Variants in HTR7 observed in about 807,000 individuals in gnomAD.
The protein encoded by HTR7 is 5-HT-7.
HTR7 carries 16 observed loss-of-function variants against 34.0 expected under a neutral mutation model. The ratio of observed to expected loss-of-function variants is 0.47; its 90% confidence interval spans 0.32 to 0.71. The LOEUF is 0.71. Among genes scored for constraint, HTR7 ranks in the 30% least tolerant of loss-of-function variants. HTR7 has a pLI of 0.04. For missense variants in HTR7, 504 were observed against 625.5 expected, an observed-to-expected ratio of 0.81 and a Z score of 2.07; for synonymous variants, 265 against 260.2, an observed-to-expected ratio of 1.02 and a Z score of -0.18.
At chr10:90,805,765 T>C (rs571424399) in intron 1 of HTR7, among the ~76,000 whole-genome samples, 1 of 152,248 alleles carries the variant, frequency 6.6e-6, no homozygotes, top group East Asian at 1.9e-4. Context: ...GGCATGTGTA[T>C]GTGATGTTTC....
At chr10:90,761,398 T>TATATA (rs1203298682) in intron 1 of HTR7, among the ~76,000 whole-genome samples, 10 of 152,190 alleles carry the variant, frequency 6.6e-5, no homozygotes, top group South Asian at 2.1e-4. Context: ...TGTGAAATGA[T>TATATA]TACCACAGTA....
chr10:90,830,836 G>A (rs1350157849), intron 1 of HTR7, among the ~76,000 whole-genome samples: 8 of 148,396 alleles, frequency 5.4e-5, no homozygotes, highest in East Asian at 2.0e-4. Flanking sequence ...GCCCAGTTAC[G>A]ATGCTCCACA....
chr10:90,796,541 T>C (rs1845540647), intron 1 of HTR7, among the ~76,000 whole-genome samples: 1 of 152,146 alleles, frequency 6.6e-6, no homozygotes, highest in Admixed American at 6.5e-5. Context: ...CTGAGCAATA[T>C]AGCCAGACCC....
At chr10:90,803,146 T>C (rs1382453060) in intron 1 of HTR7, among the ~76,000 whole-genome samples, 1 of 151,942 alleles carries the variant, frequency 6.6e-6, no homozygotes, top group Admixed American at 6.6e-5. Context: ...CCAAAGCAAG[T>C]CTTAGAGTAA....
chr10:90,749,008 T>C lies in HTR7; in HGVS notation c.1126A>G (p.Asn376Asp). 1 of 1,614,002 alleles carries C rather than the reference T, an allele frequency of 6.2e-7. No individual in the cohort carries two copies. Among genetic ancestry groups the C allele is most frequent in the Non-Finnish European group, 8.5e-7 (1 of 1,180,004 alleles). The part of the protein sequence containing the change: ...ERTFLWLGYA[N>D]SLINPFIYAF... ...TATATAAAAGGGTTAATGAGAGAGT[T>C]TGCATAGCCTAGCCACAGAAATGTC... Residue 376 changes from asparagine (N) to aspartate (D), a missense_variant, in exon 2 of 4, where the codon AAC (asparagine) becomes GAC (aspartate). By Grantham distance (23) the Asn-to-Asp change is conservative. Coordinates refer to ENST00000336152, the MANE Select transcript of HTR7 (RefSeq NM_019859.4). This position sits in a 1 kb window ranked among gnomAD's most constrained non-coding sequence, Gnocchi z 4.2.
chr10:90,823,316 T>C (rs919916890), intron 1 of HTR7, among the ~76,000 whole-genome samples: 2 of 152,212 alleles, frequency 1.3e-5, no homozygotes, highest in Non-Finnish European at 2.9e-5. Flanking sequence ...CTTGTGTCAG[T>C]ATGGCCTACA....
At chr10:90,810,267 C>T (rs1317992188) in intron 1 of HTR7, among the ~76,000 whole-genome samples, 5 of 152,132 alleles carry the variant, frequency 3.3e-5, no homozygotes, top group Non-Finnish European at 7.4e-5. Context: ...TTTTCCCCCA[C>T]TTCAAAGCCT....
intron 1 of HTR7, among the ~76,000 whole-genome samples, chr10:90,768,363 T>C (rs1221059990): frequency 6.6e-6 from 1 of 152,230 alleles, no homozygotes; most frequent in Admixed American, 6.5e-5. Flanking sequence ...TCATCAAATA[T>C]GAAACATTTT....
In HTR7 at chr10:90,749,585, C is replaced by T. The variant is rs762643552; in HGVS notation, c.549G>A (p.Gly183=). 1.9e-6 allele frequency: 3 copies of T among 1,608,070 alleles called. No homozygotes were observed. Among genetic ancestry groups the T allele is most frequent in the African/African-American group, 2.7e-5 (2 of 74,790 alleles). ...LCVISIDRYL[G]ITRPLTYPVR... is the part of the protein sequence containing the mutation. Reference sequence around the variant, plus strand: ...CAGGGTATGTGAGGGGCCTTGTGATCCCAAGGTACCTAGTGGAGAGATGGA... The same window carrying T: ...CAGGGTATGTGAGGGGCCTTGTGATTCCAAGGTACCTAGTGGAGAGATGGA... The change falls in exon 2 of 4, where the codon GGG becomes GGA. Residue 183 remains glycine (G), a synonymous_variant. Coordinates refer to ENST00000336152, the MANE Select transcript of HTR7 (RefSeq NM_019859.4). The surrounding 1 kb of genome is among the most constrained non-coding windows in gnomAD (Gnocchi z 4.2).
rs561817614 is a variant in HTR7 at position 90,784,653 on chromosome 10, G to C, written c.540-35059C>G. 2.9e-3 allele frequency among the ~76,000 whole-genome samples: 448 copies of C among 152,246 alleles called. 11 individuals are homozygous for C. The Middle Eastern group carries it at 0.044, about 15-fold the overall frequency. On this transcript the variant is annotated intron_variant, in intron 1 of 3. Coordinates refer to ENST00000336152, the MANE Select transcript of HTR7 (RefSeq NM_019859.4). ...GCCAATATCAGTATAATGTCAGGAA[G>C]CCAAGAGGTTTGCTTAAGGAATGGG...
intron 1 of HTR7, among the ~76,000 whole-genome samples, chr10:90,833,366 T>G (rs912567314): frequency 6.6e-6 from 1 of 152,168 alleles, no homozygotes; most frequent in East Asian, 1.9e-4. Context: ...AGCTTAAGAG[T>G]TAAGGCACCA....
rs1185315905 is a variant in HTR7, at chr10:90,759,515, C to T, written c.540-9921G>A. 4.0e-5 allele frequency among the ~76,000 whole-genome samples: 6 copies of T among 150,368 alleles called. 1 individual carries two copies. Among genetic ancestry groups the T allele is most frequent in the South Asian group, 4.2e-4 (2 of 4,724 alleles). On this transcript the variant is annotated intron_variant, in intron 1 of 3. Coordinates refer to ENST00000336152, the MANE Select transcript of HTR7 (RefSeq NM_019859.4). Reference sequence around the variant, plus strand: ...CTAAAAATACAAAAAATTAGCCGGGCGCGGTGGCGGGCGCCTGTAGTCCCA... The same window carrying T: ...CTAAAAATACAAAAAATTAGCCGGGTGCGGTGGCGGGCGCCTGTAGTCCCA...
At chr10:90,816,156 A>G (rs1361494141) in intron 1 of HTR7, among the ~76,000 whole-genome samples, 1 of 152,232 alleles carries the variant, frequency 6.6e-6, no homozygotes, top group Admixed American at 6.5e-5. Context: ...TGGATTTTAC[A>G]TTACCCAATA....
intron 1 of HTR7, among the ~76,000 whole-genome samples, chr10:90,852,661 T>C (rs1045069555): frequency 1.6e-4 from 25 of 152,188 alleles, no homozygotes; most frequent in African/African-American, 6.0e-4. Flanking sequence ...ATACTACTTA[T>C]CAATAAAAAT....
At chr10:90,756,906 C>A (rs1279626413) in intron 1 of HTR7, among the ~76,000 whole-genome samples, 1 of 151,842 alleles carries the variant, frequency 6.6e-6, no homozygotes, top group Non-Finnish European at 1.5e-5. Context: ...GACAATTATA[C>A]AAAGTCATGA....
intron 1 of HTR7, among the ~76,000 whole-genome samples, chr10:90,785,910 T>C (rs1357961729): frequency 1.3e-5 from 2 of 152,220 alleles, no homozygotes; most frequent in Non-Finnish European, 2.9e-5. Flanking sequence ...GCCATGGTAC[T>C]GCCAGCTGAG....
At chr10:90,838,674 GTTTTCCTTTT>G (rs1455526044) in intron 1 of HTR7, among the ~76,000 whole-genome samples, 1 of 152,090 alleles carries the variant, frequency 6.6e-6, no homozygotes, top group African/African-American at 2.4e-5. Context: ...CTCCTTCCAG[GTTTTCCTTTT>G]GTCTCTCTCC....
At chr10:90,764,705 T>C (rs1358584043) in intron 1 of HTR7, among the ~76,000 whole-genome samples, 3 of 152,280 alleles carry the variant, frequency 2.0e-5, no homozygotes, top group Admixed American at 6.5e-5. Flanking sequence ...CAGCACTATG[T>C]TGAACAGAAG....
intron 1 of HTR7, among the ~76,000 whole-genome samples, chr10:90,815,442 T>C (rs986263441): frequency 2.6e-5 from 4 of 152,214 alleles, no homozygotes; most frequent in African/African-American, 4.8e-5. Flanking sequence ...TTTATAAAAA[T>C]GGATCTTGTA....
Sources: gnomAD v4.1 joint callset for allele counts (sites outside exome capture counted in the v4.1 genomes callset) on GRCh38, gnomAD v4.1.1 for gene constraint, Gnocchi (gnomAD v3.1) non-coding constraint, MANE v1.5 for transcripts, NCBI Gene and HGNC (gene_info 2026-07-23, HGNC 2026-07-21) for gene names.